The following EYS variants were observed in gnomAD, a reference collection of about 807,000 sequenced individuals.
The protein encoded by EYS is EGF-like photoreceptor maintenance factor, also known as protein eyes shut homolog.
Under a neutral mutation model 282.1 loss-of-function variants are expected in EYS, and 250 were observed. The ratio of observed to expected loss-of-function variants is 0.89; its 90% CI spans 0.80 to 0.98. EYS has a LOEUF of 0.98. Among genes scored for constraint, EYS ranks in the 50% least tolerant of loss-of-function variants. The pLI is 0.00. For synonymous variants in EYS, 1,355 were observed against 1,282.9 expected, an observed-to-expected ratio of 1.06 and a Z score of -1.20; for missense variants, 4,016 against 3,709.0, an observed-to-expected ratio of 1.08 and a Z score of -2.15.
intron 31 of EYS, among the ~76,000 whole-genome samples, chr6:64,122,800 T>C (rs1773633939): frequency 4.6e-5 from 7 of 152,200 alleles, no homozygotes; most frequent in Admixed American, 4.6e-4. Context: ...AGTTGCATTA[T>C]TGGGATCTTT....
chr6:64,326,697 C>A (rs1447824625), intron 29 of EYS, among the ~76,000 whole-genome samples: 2 of 152,118 alleles, frequency 1.3e-5, no homozygotes, highest in Non-Finnish European at 2.9e-5. Flanking sequence ...ATGTGGGAGA[C>A]TTGGGGTCCT....
intron 22 of EYS, among the ~76,000 whole-genome samples, chr6:64,675,988 T>C (rs575418995): frequency 2.7e-5 from 4 of 150,310 alleles, no homozygotes; most frequent in African/African-American, 9.7e-5. Flanking sequence ...TAGATCTATA[T>C]ATGGACAGAT....
intron 41 of EYS, among the ~76,000 whole-genome samples, chr6:63,753,177 T>TATATATATATATGTATA: frequency 6.8e-6 from 1 of 148,008 alleles, no homozygotes; most frequent in African/African-American, 2.5e-5. Flanking sequence ...TGTATATATA[T>TATATATATATATGTATA]TTTTTACAGT....
chr6:64,868,955 A>T (rs1766507677), intron 19 of EYS, among the ~76,000 whole-genome samples: 1 of 151,472 alleles, frequency 6.6e-6, no homozygotes, highest in Non-Finnish European at 1.5e-5. Context: ...CTGTCTAAAG[A>T]CTTCCGACTA....
intron 12 of EYS, among the ~76,000 whole-genome samples, chr6:65,176,467 T>G (rs1765227518): frequency 6.6e-6 from 1 of 151,672 alleles, no homozygotes; most frequent in South Asian, 2.1e-4. Context: ...ACTTAGGTTA[T>G]AATTTTACTT....
chr6:65,247,033 AAAAT>A (rs1767197658), intron 12 of EYS, among the ~76,000 whole-genome samples: 1 of 152,126 alleles, frequency 6.6e-6, no homozygotes. Flanking sequence ...GATAAAGTAA[AAAAT>A]AAACAAATAG....
At chr6:64,772,445 A>C (rs939769058) in intron 22 of EYS, among the ~76,000 whole-genome samples, 1 of 151,790 alleles carries the variant, frequency 6.6e-6, no homozygotes, top group African/African-American at 2.4e-5. Flanking sequence ...ATGCATAATA[A>C]TCACATCAGG....
intron 19 of EYS, among the ~76,000 whole-genome samples, chr6:64,884,409 A>G (rs1188492391): frequency 6.6e-6 from 1 of 151,570 alleles, no homozygotes; most frequent in Non-Finnish European, 1.5e-5. Context: ...TCACTACCAG[A>G]TGTATGATCT....
intron 22 of EYS, among the ~76,000 whole-genome samples, chr6:64,667,142 A>G (rs1180842792): frequency 6.6e-6 from 1 of 150,794 alleles, no homozygotes; most frequent in Non-Finnish European, 1.5e-5. Context: ...GCTTAATGAA[A>G]TGTGTAAGAG....
In EYS at chr6:64,771,501, A is replaced by G. The variant is rs572559090; in HGVS notation, c.3443+41877T>C. On this transcript the variant is annotated intron_variant, in intron 22 of 42. Transcript: ENST00000503581. ...TTACTTGCTTTAATTTATCCATTAT[A>G]AATTGCTATTAAGTTTACTGCATAC... Among the ~76,000 whole-genome samples, 13 of 151,794 alleles carry G rather than the reference A, an allele frequency of 8.6e-5. No homozygotes were observed. In the East Asian group the frequency reaches 1.9e-3, roughly 23 times the overall value.
At chr6:65,396,568 C>T (rs1296887675) in intron 7 of EYS, among the ~76,000 whole-genome samples, 1 of 152,070 alleles carries the variant, frequency 6.6e-6, no homozygotes, top group Non-Finnish European at 1.5e-5. Context: ...TAAAGCTCGA[C>T]CCTACTTTAA....
At chr6:65,115,857 T>A (rs1426502355) in intron 12 of EYS, among the ~76,000 whole-genome samples, 2 of 152,100 alleles carry the variant, frequency 1.3e-5, no homozygotes, top group Non-Finnish European at 2.9e-5. Flanking sequence ...AAGTGGTGGA[T>A]CTAGGAGTTC....
chr6:65,343,684 TC>T (rs1381541637), intron 10 of EYS, among the ~76,000 whole-genome samples: 1 of 151,024 alleles, frequency 6.6e-6, no homozygotes, highest in Non-Finnish European at 1.5e-5. Context: ...TTTAAACATA[TC>T]CAAAAGACAA....
At chr6:63,867,773 GT>G (rs1772704113) in intron 35 of EYS, among the ~76,000 whole-genome samples, 1 of 152,158 alleles carries the variant, frequency 6.6e-6, no homozygotes, top group African/African-American at 2.4e-5. Context: ...TCCTGAATGC[GT>G]TTGCTAAATG....
At chr6:64,514,337 AATT>A (rs1777497310) in intron 26 of EYS, among the ~76,000 whole-genome samples, 1 of 151,820 alleles carries the variant, frequency 6.6e-6, no homozygotes, top group South Asian at 2.1e-4. Context: ...TTTCAGTGCT[AATT>A]AGGAATTGCA....
At chr6:64,648,380 C>T (rs1385602621) in intron 22 of EYS, among the ~76,000 whole-genome samples, 1 of 152,180 alleles carries the variant, frequency 6.6e-6, no homozygotes, top group African/African-American at 2.4e-5. Context: ...AGCATCATTT[C>T]TACTCTATTA....
At chr6:64,529,000 A>G (rs374369547) in intron 26 of EYS, among the ~76,000 whole-genome samples, 17 of 152,178 alleles carry the variant, frequency 1.1e-4, no homozygotes, top group African/African-American at 3.8e-4. Flanking sequence ...AGAGCAAGAC[A>G]TACAATGGTA....
chr6:64,845,910 A>G (rs2209030), intron 19 of EYS, among the ~76,000 whole-genome samples: 107,967 of 151,932 alleles, frequency 0.71, 38,740 homozygotes, highest in Admixed American at 0.76. Context: ...TGCTGCTTTA[A>G]CTAACTTTTT....
chr6:65,491,079 C>A (rs1485988431), intron 4 of EYS, among the ~76,000 whole-genome samples: 1 of 152,032 alleles, frequency 6.6e-6, no homozygotes, highest in Non-Finnish European at 1.5e-5. Flanking sequence ...CAAAATGACA[C>A]ATTCAAATGT....
Sources: allele counts gnomAD v4.1 joint callset (sites outside exome capture counted in the v4.1 genomes callset), GRCh38; gene constraint gnomAD v4.1.1; transcripts MANE v1.5; gene names NCBI Gene and HGNC (gene_info 2026-07-23, HGNC 2026-07-21).